The following PIAS1 variants were observed in gnomAD, a reference collection of about 807,000 sequenced individuals.
PIAS1 encodes protein inhibitor of activated STAT 1.
Under a neutral mutation model 71.3 loss-of-function variants are expected in PIAS1, and 6 were observed. The observed-to-expected ratio is 0.08, with a 90% CI of 0.05 to 0.17. The LOEUF (loss-of-function observed/expected upper bound fraction) is 0.17. Among genes scored for constraint, PIAS1 ranks in the 10% least tolerant of loss-of-function variants. The pLI, the probability that PIAS1 is intolerant of heterozygous loss-of-function variation, is 1.00. For missense variants in PIAS1, 555 were observed against 793.6 expected, an observed-to-expected ratio of 0.70 and a Z score of 3.61; for synonymous variants, 303 against 292.9, an observed-to-expected ratio of 1.03 and a Z score of -0.35.
At chr15:68,139,013 A>G (rs1337758834) in intron 2 of PIAS1, among the ~76,000 whole-genome samples, 1 of 152,174 alleles carries the variant, frequency 6.6e-6, no homozygotes, top group South Asian at 2.1e-4. Flanking sequence ...TTGACTCAGT[A>G]TAGTGGTAAG....
chr15:68,138,916 A>T (rs946196217), intron 2 of PIAS1, among the ~76,000 whole-genome samples: 1 of 152,210 alleles, frequency 6.6e-6, no homozygotes. Flanking sequence ...AGTCTCTTCA[A>T]ATATTTGAAG....
At chr15:68,159,642 A>T (rs940823832) in intron 7 of PIAS1, among the ~76,000 whole-genome samples, 1 of 152,050 alleles carries the variant, frequency 6.6e-6, no homozygotes, top group South Asian at 2.1e-4. Flanking sequence ...TTTGTTCTTT[A>T]TTGCTGCGTA....
intron 2 of PIAS1, among the ~76,000 whole-genome samples, chr15:68,090,927 G>GTGTGTGTGTGT (rs1555425137): frequency 9.3e-4 from 133 of 142,860 alleles, no homozygotes; most frequent in African/African-American, 3.2e-3. Context: ...GTCATTTACG[G>GTGTGTGTGTGT]GTGTGTGTGT....
rs1375242995 is a variant in PIAS1, at chr15:68,174,952, C to T, written c.1170-685C>T. Among the ~76,000 whole-genome samples the T allele has an allele frequency of 6.6e-6, 1 of 152,088 alleles. No homozygotes were observed. Among genetic ancestry groups the T allele is most frequent in the Non-Finnish European group, 1.5e-5 (1 of 68,008 alleles). On this transcript the variant is annotated intron_variant, in intron 9 of 13. Transcript: ENST00000249636. This position sits in a 1 kb window ranked among gnomAD's most constrained non-coding sequence, Gnocchi z 4.0. ...TGATATTTTCCAACTTTATATGTTA[C>T]ATAGCTTTAGGTTCTCCCATTTCTT...
chr15:68,176,648 A>T lies in PIAS1; in HGVS notation c.1475A>T (p.Asn492Ile). 6.3e-7 allele frequency: 1 copy of T among 1,581,724 alleles called. No individual in the cohort carries two copies. The highest frequency in any genetic ancestry group is 8.6e-7 in the Non-Finnish European group (1 of 1,167,200). Residue 492 changes from asparagine to isoleucine, a missense_variant, in exon 11 of 14, where the codon AAT becomes ATT. Transcript: ENST00000249636. ...CTATCTCCCACATCACCACTAAATA[A>T]TAAAGGGTAAGTGCTGAGACATTTA... is the stretch of plus-strand genomic sequence containing the variant. ...PSLSPTSPLN[N>I]KGILSLPHQA... is the part of the protein sequence containing the mutation.
Position 68,054,833 on chromosome 15 carries a change from C to T in PIAS1, c.24+483C>T. ...AGACCCCCGGGAACTTGGCTTCGGC[C>T]GCCCCGCCCCTCCGTGGATCCCAGT... On this transcript the variant is annotated intron_variant, in intron 1 of 13. Transcript: ENST00000249636. This position sits in a 1 kb window ranked among gnomAD's most constrained non-coding sequence, Gnocchi z 4.6. 6.5e-6 allele frequency: 1 copy of T among 152,706 alleles called. No homozygotes were observed. Among genetic ancestry groups the T allele is most frequent in the Non-Finnish European group, 1.5e-5 (1 of 68,312 alleles). 9.5% of individuals were successfully genotyped at this position (152,706 alleles called of 1,614,324 possible).
intron 11 of PIAS1, among the ~76,000 whole-genome samples, chr15:68,179,589 T>G (rs2093041280): frequency 7.8e-6 from 1 of 128,406 alleles, no homozygotes; most frequent in Non-Finnish European, 1.6e-5. Context: ...TTTTTTTTTT[T>G]TTTGAGACAG....
chr15:68,117,666 T>C (rs1039896153), intron 2 of PIAS1, among the ~76,000 whole-genome samples: 3 of 152,236 alleles, frequency 2.0e-5, no homozygotes, highest in African/African-American at 7.2e-5. Context: ...GGTTTATCCG[T>C]GTTGCCACAA....
chr15:68,124,526 A>G lies in PIAS1; in HGVS notation c.470-17420A>G, dbSNP rs111277301. On this transcript the variant is annotated intron_variant, in intron 2 of 13. Transcript: ENST00000249636. ...CACTTAAGGTCAGGAGCTTGAGACCAGTCTGGCCAACATGGTGAAACCCCA... is the reference window on the plus strand; with the variant it reads ...CACTTAAGGTCAGGAGCTTGAGACCGGTCTGGCCAACATGGTGAAACCCCA... Among the ~76,000 whole-genome samples the G allele has an allele frequency of 4.5e-3, 677 of 151,998 alleles. 6 individuals carry two copies. Among genetic ancestry groups the G allele is most frequent in the African/African-American group, 0.014 (576 of 41,448 alleles).
At chr15:68,092,234 C>T (rs988466415) in intron 2 of PIAS1, among the ~76,000 whole-genome samples, 2 of 151,814 alleles carry the variant, frequency 1.3e-5, no homozygotes, top group African/African-American at 2.4e-5. Flanking sequence ...AGTGCAGTGG[C>T]ACATTCTTGG....
At chr15:68,103,324 T>G (rs1183297058) in intron 2 of PIAS1, among the ~76,000 whole-genome samples, 1 of 70,800 alleles carries the variant, frequency 1.4e-5, no homozygotes, top group Admixed American at 2.2e-4. Context: ...ATGTTTTGTA[T>G]TATTATCCTT....
chr15:68,179,804 C>T (rs543928756), intron 11 of PIAS1, among the ~76,000 whole-genome samples: 3 of 151,658 alleles, frequency 2.0e-5, no homozygotes, highest in Non-Finnish European at 4.4e-5. Context: ...TCTCAAACTC[C>T]CAACCTCAGG....
chr15:68,151,139 C>A (rs1391740310), intron 6 of PIAS1, among the ~76,000 whole-genome samples: 3 of 151,914 alleles, frequency 2.0e-5, no homozygotes, highest in Non-Finnish European at 4.4e-5. Context: ...AAAATACTGT[C>A]TACCTAGAAA....
chr15:68,192,028 A>G lies in PIAS1; in HGVS notation c.*4193A>G, dbSNP rs1347619582. On this transcript the variant is annotated 3_prime_UTR_variant, in exon 14 of 14. Coordinates refer to ENST00000249636, the MANE Select transcript of PIAS1 (RefSeq NM_016166.3). Reference sequence around the variant, plus strand: ...CTTTAAAACCATACTGGGACTATTCAGTGATAAATATAGACATAGAAAAGC... The same window carrying G: ...CTTTAAAACCATACTGGGACTATTCGGTGATAAATATAGACATAGAAAAGC... 6.6e-6 allele frequency: 1 copy of G among 152,264 alleles called. No individual in the cohort carries two copies. Among genetic ancestry groups the G allele is most frequent in the Non-Finnish European group, 1.5e-5 (1 of 68,050 alleles). The allele number at this position is 152,264 out of a possible 1,614,324, so 9.4% of individuals were successfully genotyped here. A position where few individuals can be genotyped will look rare whatever the true frequency, so the allele number is the denominator to read the frequency against.
chr15:68,130,846 T>G (rs2092684110), intron 2 of PIAS1, among the ~76,000 whole-genome samples: 1 of 152,168 alleles, frequency 6.6e-6, no homozygotes, highest in Non-Finnish European at 1.5e-5. Context: ...AAGTCATAAA[T>G]AGTTCAGTAT....
chr15:68,069,733 G>A (rs1434658104), intron 1 of PIAS1, among the ~76,000 whole-genome samples: 2 of 151,578 alleles, frequency 1.3e-5, no homozygotes, highest in African/African-American at 4.9e-5. Context: ...GAACCTGGGA[G>A]GCGGAGCTTG....
chr15:68,124,419 C>A (rs1292988755), intron 2 of PIAS1, among the ~76,000 whole-genome samples: 1 of 88,090 alleles, frequency 1.1e-5, no homozygotes, highest in African/African-American at 3.9e-5. Flanking sequence ...TTTTTTTTTT[C>A]ATTCAAAGTT....
chr15:68,140,364 C>A (rs907744700), intron 2 of PIAS1, among the ~76,000 whole-genome samples: 7 of 152,252 alleles, frequency 4.6e-5, no homozygotes, highest in Middle Eastern at 3.4e-3. Context: ...GGACTAAAAT[C>A]TTGATAGAGA....
chr15:68,071,457 C>T (rs1460479449), intron 1 of PIAS1, among the ~76,000 whole-genome samples: 4 of 150,214 alleles, frequency 2.7e-5, no homozygotes, highest in African/African-American at 9.8e-5. Flanking sequence ...CCTTGTGATC[C>T]ACCTGCCTCG....
Sources: gnomAD v4.1 joint callset for allele counts (sites outside exome capture counted in the v4.1 genomes callset) on GRCh38, gnomAD v4.1.1 for gene constraint, Gnocchi (gnomAD v3.1) non-coding constraint, MANE v1.5 for transcripts, NCBI Gene and HGNC (gene_info 2026-07-23, HGNC 2026-07-21) for gene names.